Variants in PRKCSH observed in about 807,000 individuals in gnomAD.
PRKCSH encodes the protein glucosidase 2 subunit beta.
A neutral mutation model predicts 79.7 loss-of-function variants in PRKCSH; 42 were observed. The ratio of observed to expected loss-of-function variants is 0.53; its 90% confidence interval spans 0.41 to 0.68. The LOEUF (loss-of-function observed/expected upper bound fraction) is 0.68, where lower values mean the gene tolerates loss of function less well. Among genes scored for constraint, PRKCSH ranks in the 30% least tolerant of loss-of-function variants. The pLI is 0.00. For synonymous variants in PRKCSH, 325 were observed against 288.2 expected (o/e 1.13, Z -1.29); for missense variants, 686 against 709.0 (o/e 0.97, Z 0.37).
Position 11,447,487 on chromosome 19 carries a change from C to T in PRKCSH, c.898C>T (p.Pro300Ser), listed in dbSNP as rs374132827. Residue 300 changes from proline (P) to serine (S), a missense_variant, in exon 11 of 18, where the codon CCC becomes TCC. By Grantham distance (74) the Pro-to-Ser change is moderately conservative (BLOSUM62 -1). Around this residue, in one of 2 missense-constraint regions of PRKCSH, gnomAD observed 549 missense variants for 520.2 expected, o/e 1.06. Coordinates refer to ENST00000677123, the MANE Select transcript of PRKCSH (RefSeq NM_001289104.2). This position sits in a 1 kb window ranked among gnomAD's most constrained non-coding sequence, Gnocchi z 5.6. ...PAPSAPDLTE[P>S]KEEQPPVPSS... ...ACCTTCTGCCCCTGACTTGACGGAGCCCAAGGAGGAGCAGCCGCCAGTGCC... is the reference window on the plus strand; with the variant it reads ...ACCTTCTGCCCCTGACTTGACGGAGTCCAAGGAGGAGCAGCCGCCAGTGCC... The T allele has an allele frequency of 6.2e-6, 10 of 1,613,594 alleles. No homozygotes were observed. In the African/African-American group the frequency reaches 1.3e-4, roughly 22 times the overall value.
In PRKCSH at chr19:11,437,967, T is replaced by C. The variant is rs770817153; in HGVS notation, c.288T>C (p.Val96=). 3 of 1,613,892 alleles carry C rather than the reference T, an allele frequency of 1.9e-6. No individual in the cohort carries two copies. Among genetic ancestry groups the C allele is most frequent in the Admixed American group, 1.7e-5 (1 of 59,984 alleles). ...CCTCCAACCGGGTCAACGATGGTGT[T>C]TGTGGTAAGTGAAGATGCACCAGGA... ...YIPSNRVNDG[V]CDCCDGTDEY... is the part of the protein sequence containing the mutation. The change falls in exon 4 of 18, where the codon GTT becomes GTC. Residue 96 remains valine, a synonymous_variant. Transcript: ENST00000677123.
intron 7 of PRKCSH, among the ~76,000 whole-genome samples, chr19:11,443,959 A>G (rs1446020854): frequency 1.3e-5 from 2 of 152,114 alleles, no homozygotes; most frequent in Non-Finnish European, 2.9e-5. Context: ...TAGTTTTAGT[A>G]GAGACGGGGT....
Position 11,439,194 on chromosome 19 carries a change from C to T in PRKCSH, c.350+1070C>T, listed in dbSNP as rs368143566. 3.8e-4 allele frequency among the ~76,000 whole-genome samples: 58 copies of T among 152,148 alleles called. 2 individuals are homozygous for T. The South Asian group carries it at 0.011, about 29-fold the overall frequency. ...AGTGCTAAGCCGCCGCGCTTGGCCA[C>T]GATGATTAGGTTTTTATGCACGTGT... On this transcript the variant is annotated intron_variant, in intron 5 of 17. Transcript: ENST00000677123.
intron 3 of PRKCSH, among the ~76,000 whole-genome samples, chr19:11,437,514 G>C (rs1013586830): frequency 6.6e-6 from 1 of 151,808 alleles, no homozygotes. Flanking sequence ...ACCACATCCG[G>C]CTAATTTTTC....
Position 11,435,710 on chromosome 19 carries a change from G to A in PRKCSH, c.-78+4G>A, listed in dbSNP as rs1599475807. ...CTGACCTTTGCTCCGGCCTCGTGTA[G>A]GTGTGAACGAGCGGGTGGGAGGGCA... On this transcript the variant is annotated splice_donor_region_variant and intron_variant, in intron 1 of 17. Coordinates refer to ENST00000677123, the MANE Select transcript of PRKCSH (RefSeq NM_001289104.2). The A allele has an allele frequency of 2.3e-6, 3 of 1,323,680 alleles. No homozygotes were observed. Among genetic ancestry groups the A allele is most frequent in the African/African-American group, 3.0e-5 (2 of 67,342 alleles). The allele number at this position is 1,323,680 out of a possible 1,614,324, so 82.0% of individuals were successfully genotyped here.
chr19:11,445,860 G>T (rs1970272150), intron 8 of PRKCSH: 2 of 445,486 alleles, frequency 4.5e-6, no homozygotes, highest in African/African-American at 4.0e-5. Context: ...GGGGCTGAGA[G>T]GCACACGGGG....
At chr19:11,450,065 C>G (rs181786163) in intron 17 of PRKCSH, 1 of 150,602 alleles carries the variant, frequency 6.6e-6, no homozygotes, top group African/African-American at 2.5e-5. Context: ...AGGTTGGTCT[C>G]GATCTCCTGA....
chr19:11,436,471 C>T lies in PRKCSH; in HGVS notation c.162C>T (p.Asp54=), dbSNP rs1969750561. The change falls in exon 3 of 18, where the codon GAC becomes GAT. Residue 54 remains aspartate, a synonymous_variant. Coordinates refer to ENST00000677123, the MANE Select transcript of PRKCSH (RefSeq NM_001289104.2). ...ATIPFDQVND[D]YCDCKDGSDE... ...TCCCATTTGATCAGGTCAACGATGA[C>T]TATTGCGACTGCAAAGATGGCTCTG... 1.2e-6 allele frequency: 2 copies of T among 1,614,072 alleles called. No homozygotes were observed. The highest frequency in any genetic ancestry group is 1.7e-6 in the Non-Finnish European group (2 of 1,180,012).
chr19:11,440,077 T>C (rs1969986908), intron 5 of PRKCSH, among the ~76,000 whole-genome samples: 1 of 151,608 alleles, frequency 6.6e-6, no homozygotes, highest in Non-Finnish European at 1.5e-5. Context: ...TCCTATCAGT[T>C]GTTGGCAGAT....
In PRKCSH at chr19:11,449,845, T is replaced by C. The variant is rs557117119; in HGVS notation, c.*16+417T>C. 945 of 155,634 alleles carry C rather than the reference T, an allele frequency of 6.1e-3. 12 individuals are homozygous for C. The highest frequency in any genetic ancestry group is 0.022 in the African/African-American group (881 of 40,126). 9.6% of individuals were successfully genotyped at this position (155,634 alleles called of 1,614,324 possible). On this transcript the variant is annotated intron_variant, in intron 17 of 17. Transcript: ENST00000677123. The surrounding 1 kb of genome is among the most constrained non-coding windows in gnomAD (Gnocchi z 6.4). ...CCACCACACCCGGCCATCTCCTGCC[T>C]TTTTTTTTTTGGATGGAGTTTCACT...
chr19:11,440,241 G>A (rs147231798), intron 5 of PRKCSH, among the ~76,000 whole-genome samples: 3,472 of 151,596 alleles, frequency 0.023, 122 homozygotes, highest in African/African-American at 0.079. Context: ...TCCGCTTCCC[G>A]AGTTCATGCC....
intron 1 of PRKCSH, 88 bp downstream of exon 1, chr19:11,435,794 C>T (rs1273317562): frequency 7.1e-7 from 1 of 1,411,128 alleles, no homozygotes; most frequent in South Asian, 1.2e-5. Context: ...ACGGCGGAGG[C>T]TGTTAATCCC....
Position 11,436,351 on chromosome 19 carries a change from G to A in PRKCSH, c.80-38G>A, listed in dbSNP as rs749475351. 3.8e-6 allele frequency: 6 copies of A among 1,599,812 alleles called. No individual in the cohort carries two copies. The South Asian group carries it at 4.4e-5, about 12-fold the overall frequency. The stretch of plus-strand genomic sequence containing the variant: ...AGAGGTGGTATTTGGTGGAGAAGGC[G>A]CTTACCTGCCCTGGGCTGAGCTTCC... On this transcript the variant is annotated intron_variant, in intron 2 of 17. Coordinates refer to ENST00000677123, the MANE Select transcript of PRKCSH (RefSeq NM_001289104.2).
intron 8 of PRKCSH, chr19:11,445,699 C>G (rs1489931810): frequency 1.6e-6 from 1 of 609,884 alleles, no homozygotes; most frequent in African/African-American, 1.8e-5. Flanking sequence ...GAGCTGGGCA[C>G]AGACCCTCAG....
At position 11,447,674 on chromosome 19, in the gene PRKCSH, G is replaced by C. The variant is rs1970382727; in HGVS notation, c.1030-19G>C. The C allele has an allele frequency of 6.4e-7, 1 of 1,563,362 alleles. No homozygotes were observed. On this transcript the variant is annotated intron_variant, in intron 11 of 17. Transcript: ENST00000677123. The surrounding 1 kb of genome is among the most constrained non-coding windows in gnomAD (Gnocchi z 5.6). ...GAGGGTGGGGGAAGGGCTACTCACTGACCCTGCCCCTGCCCCAGGAGGCCC... is the reference window on the plus strand; with the variant it reads ...GAGGGTGGGGGAAGGGCTACTCACTCACCCTGCCCCTGCCCCAGGAGGCCC...
At chr19:11,435,877 C>A in intron 1 of PRKCSH, 164 bp from the exon 2 acceptor site, 1 of 1,016,838 alleles carries the variant, frequency 9.8e-7, no homozygotes, top group Non-Finnish European at 1.4e-6. Context: ...GAGATCCTCG[C>A]CATTGATTTG....
Position 11,447,909 on chromosome 19 carries a change from G to T in PRKCSH, c.1126+120G>T, listed in dbSNP as rs887735062. 8 of 1,209,910 alleles carry T rather than the reference G, an allele frequency of 6.6e-6. No individual in the cohort carries two copies. Among genetic ancestry groups the T allele is most frequent in the Middle Eastern group, 5.8e-4 (2 of 3,476 alleles). 74.9% of individuals were successfully genotyped at this position (1,209,910 alleles called of 1,614,324 possible). ...TCTGACTCGGCCAGCACAAGCCCCAGTATCTTGGGGAGTCCAGGAAGGGGG... is the reference window on the plus strand; with the variant it reads ...TCTGACTCGGCCAGCACAAGCCCCATTATCTTGGGGAGTCCAGGAAGGGGG... On this transcript the variant is annotated intron_variant, in intron 12 of 17. Transcript: ENST00000677123. The surrounding 1 kb of genome is among the most constrained non-coding windows in gnomAD (Gnocchi z 5.6).
At chr19:11,443,147 TCA>T (rs1491340576) in intron 7 of PRKCSH, among the ~76,000 whole-genome samples, 1 of 151,802 alleles carries the variant, frequency 6.6e-6, no homozygotes, top group African/African-American at 2.4e-5. Flanking sequence ...GCATGGTGGC[TCA>T]CGCCTGTAAT....
chr19:11,448,259 G>T lies in PRKCSH; in HGVS notation c.1164G>T (p.Glu388Asp). The change falls in exon 13 of 18, where the codon GAG becomes GAT. Residue 388 changes from glutamate to aspartate, a missense_variant. Glu to Asp is a conservative substitution (Grantham distance 45). Around this residue, in one of 2 missense-constraint regions of PRKCSH, gnomAD observed 549 missense variants for 520.2 expected, o/e 1.06. Transcript: ENST00000677123. The surrounding 1 kb of genome is among the most constrained non-coding windows in gnomAD (Gnocchi z 4.4). ...QEARNKFEEA[E>D]RSLKDMEESI... The stretch of plus-strand genomic sequence containing the variant: ...CCCGCAACAAGTTCGAGGAGGCCGA[G>T]CGGTCGCTGAAGGACATGGAGGAGT... 6.4e-7 allele frequency: 1 copy of T among 1,570,182 alleles called. No homozygotes were observed. The highest frequency in any genetic ancestry group is 8.6e-7 in the Non-Finnish European group (1 of 1,157,194).
Sources: gnomAD v4.1 joint callset for allele counts (sites outside exome capture counted in the v4.1 genomes callset) on GRCh38, gnomAD v4.1.1 for gene constraint, gnomAD v4.1.1 regional missense constraint, Gnocchi (gnomAD v3.1) non-coding constraint, MANE v1.5 for transcripts, NCBI Gene and HGNC (gene_info 2026-07-23, HGNC 2026-07-21) for gene names.